Variants in RPH3AL observed in about 807,000 individuals in gnomAD.
RPH3AL encodes rabphilin 3A like (without C2 domains).
A neutral mutation model predicts 43.1 loss-of-function variants in RPH3AL; 38 were observed. The observed-to-expected ratio is 0.88, with a 90% CI of 0.68 to 1.15. RPH3AL has a LOEUF of 1.15. Among genes scored for constraint, RPH3AL ranks in the 50% most tolerant of loss-of-function variants. The probability of loss-of-function intolerance (pLI) is 0.00; values close to 1 mark genes in which losing one functional copy is unlikely to be tolerated. For missense variants in RPH3AL, 462 were observed against 423.2 expected (o/e 1.09, Z -0.81); for synonymous variants, 189 against 176.3 (o/e 1.07, Z -0.57).
At chr17:224,906 T>C (rs1052438085) in intron 7 of RPH3AL, among the ~76,000 whole-genome samples, 4 of 142,754 alleles carry the variant, frequency 2.8e-5, no homozygotes, top group South Asian at 4.4e-4. Context: ...TAGGTGGGAA[T>C]TGAACAATGA....
chr17:216,764 T>C (rs912768273), intron 8 of RPH3AL, among the ~76,000 whole-genome samples: 1 of 152,196 alleles, frequency 6.6e-6, no homozygotes, highest in Non-Finnish European at 1.5e-5. Flanking sequence ...CCTGCTGATA[T>C]TGGCCACTTA....
rs1340257341 is a variant in RPH3AL, at chr17:246,823, T to C, written c.613+288A>G. Reference sequence around the variant, plus strand: ...GACGTCCCATTTCTGTGAAGATGCGTAGTGCTGCTCATGGCATCCTTGCCC... The same window carrying C: ...GACGTCCCATTTCTGTGAAGATGCGCAGTGCTGCTCATGGCATCCTTGCCC... On this transcript the variant is annotated intron_variant, in intron 7 of 9. Transcript: ENST00000331302. The surrounding 1 kb of genome is among the most constrained non-coding windows in gnomAD (Gnocchi z 4.8). 1.3e-5 allele frequency among the ~76,000 whole-genome samples: 2 copies of C among 152,348 alleles called. No homozygotes were observed. Among genetic ancestry groups the C allele is most frequent in the African/African-American group, 4.8e-5 (2 of 41,590 alleles).
At chr17:232,362 C>T (rs918427808) in intron 7 of RPH3AL, among the ~76,000 whole-genome samples, 1 of 152,202 alleles carries the variant, frequency 6.6e-6, no homozygotes, top group African/African-American at 2.4e-5. Context: ...AATGAGCACC[C>T]GTGTCATCTA....
intron 4 of RPH3AL, among the ~76,000 whole-genome samples, chr17:320,866 G>C (rs1304267343): frequency 6.6e-6 from 1 of 152,264 alleles, no homozygotes; most frequent in African/African-American, 2.4e-5. Context: ...GAGGCACGTA[G>C]AGCCAGGCGG....
At chr17:257,288 A>G (rs2042074052) in intron 6 of RPH3AL, among the ~76,000 whole-genome samples, 1 of 21,156 alleles carries the variant, frequency 4.7e-5, no homozygotes, top group African/African-American at 1.2e-4. Flanking sequence ...TTCCATCCCT[A>G]GGAACGTGAC....
chr17:275,163 G>T (rs1273789245), intron 6 of RPH3AL, among the ~76,000 whole-genome samples: 1 of 150,470 alleles, frequency 6.6e-6, no homozygotes, highest in Non-Finnish European at 1.5e-5. Context: ...CCTAAAATCT[G>T]CAGAAACTCT....
intron 7 of RPH3AL, among the ~76,000 whole-genome samples, chr17:229,554 A>ACG (rs1204491289): frequency 6.6e-6 from 1 of 152,212 alleles, no homozygotes; most frequent in Non-Finnish European, 1.5e-5. Context: ...CTTCTGAGCC[A>ACG]CGACGGAGGG....
chr17:215,661 C>A lies in RPH3AL; in HGVS notation c.869G>T (p.Arg290Met), dbSNP rs1433202982. The A allele has an allele frequency of 1.6e-6, 2 of 1,279,020 alleles. No homozygotes were observed. Among genetic ancestry groups the A allele is most frequent in the Non-Finnish European group, 2.0e-6 (2 of 1,008,016 alleles). The allele number at this position is 1,279,020 out of a possible 1,614,324, so 79.2% of individuals were successfully genotyped here. A position where few individuals can be genotyped will look rare whatever the true frequency, so the allele number is the denominator to read the frequency against. ...CAGCAGTTGGGTACTCACCGGGGCC[C>A]TTCGGGTCAGCCCGGGGCGGGGTCC... is the stretch of plus-strand genomic sequence containing the variant. ...PGGPRPGLTR[R>M]APVKDTPGRA... Residue 290 changes from arginine to methionine, a missense_variant, in exon 9 of 10, where the codon AGG (arginine) becomes ATG (methionine). Arg to Met is a moderately conservative substitution (Grantham distance 91). Coordinates refer to ENST00000331302, the MANE Select transcript of RPH3AL (RefSeq NM_006987.4). The surrounding 1 kb of genome is among the most constrained non-coding windows in gnomAD (Gnocchi z 4.1).
chr17:221,813 G>C (rs1255330430), intron 7 of RPH3AL, among the ~76,000 whole-genome samples: 2 of 114,230 alleles, frequency 1.8e-5, no homozygotes, highest in Non-Finnish European at 1.9e-5. Flanking sequence ...CAACAGCTCT[G>C]AGGGCTCCAC....
At chr17:336,963 G>A (rs1034238962) in intron 1 of RPH3AL, among the ~76,000 whole-genome samples, 13 of 152,102 alleles carry the variant, frequency 8.5e-5, no homozygotes, top group African/African-American at 2.2e-4. Flanking sequence ...TGAGCCCACC[G>A]CCCTCCCGTC....
At chr17:351,790 A>G (rs1175276123) in intron 1 of RPH3AL, among the ~76,000 whole-genome samples, 2 of 152,234 alleles carry the variant, frequency 1.3e-5, no homozygotes, top group Non-Finnish European at 2.9e-5. Context: ...TATGCCACAA[A>G]TAGAAGGCAG....
At chr17:301,081 G>C (rs566114883) in intron 5 of RPH3AL, among the ~76,000 whole-genome samples, 2 of 152,384 alleles carry the variant, frequency 1.3e-5, no homozygotes, top group East Asian at 3.9e-4. Context: ...CACTCTGTAG[G>C]GGCGCTGCCT....
At chr17:224,560 C>T (rs1384897175) in intron 7 of RPH3AL, among the ~76,000 whole-genome samples, 1 of 152,220 alleles carries the variant, frequency 6.6e-6, no homozygotes, top group Non-Finnish European at 1.5e-5. Flanking sequence ...ATGTCTGCTT[C>T]CCCTAGCAGG....
chr17:259,506 C>T (rs1354032382), intron 6 of RPH3AL, among the ~76,000 whole-genome samples: 1 of 152,174 alleles, frequency 6.6e-6, no homozygotes, highest in Non-Finnish European at 1.5e-5. Flanking sequence ...TCTACCCCTC[C>T]CCGCCCAGGA....
At chr17:276,101 C>T (rs7207517) in intron 6 of RPH3AL, among the ~76,000 whole-genome samples, 18,452 of 151,966 alleles carry the variant, frequency 0.12, 1,189 homozygotes, top group Middle Eastern at 0.18. Flanking sequence ...AAATCGGGGA[C>T]GAGACAGTTG....
intron 7 of RPH3AL, among the ~76,000 whole-genome samples, chr17:228,839 C>T (rs1445448950): frequency 1.3e-5 from 2 of 152,192 alleles, no homozygotes; most frequent in Admixed American, 1.3e-4. Flanking sequence ...TGTGCCCTCT[C>T]TGGACCCTTT....
rs182487090 is a variant in RPH3AL at position 328,614 on chromosome 17, C to T, written c.-36-1035G>A. ...AAAACCTGTACACAAACGTTCTTAGCAGCACTATTCATGACCGCCAAAAGC... is the reference window on the plus strand; with the variant it reads ...AAAACCTGTACACAAACGTTCTTAGTAGCACTATTCATGACCGCCAAAAGC... On this transcript the variant is annotated intron_variant, in intron 2 of 9. Transcript: ENST00000331302. This position sits in a 1 kb window ranked among gnomAD's most constrained non-coding sequence, Gnocchi z 4.2. Among the ~76,000 whole-genome samples, 2 of 152,294 alleles carry T rather than the reference C, an allele frequency of 1.3e-5. No individual in the cohort carries two copies. The highest frequency in any genetic ancestry group is 1.9e-4 in the East Asian group (1 of 5,194).
At chr17:270,298 A>T (rs2042431126) in intron 6 of RPH3AL, among the ~76,000 whole-genome samples, 1 of 152,238 alleles carries the variant, frequency 6.6e-6, no homozygotes, top group African/African-American at 2.4e-5. Flanking sequence ...GGAGAGAAAC[A>T]GCATGGAGAA....
At chr17:330,777 G>A (rs1007509184) in intron 2 of RPH3AL, 2 of 152,038 alleles carry the variant, frequency 1.3e-5, no homozygotes, top group African/African-American at 2.4e-5. Flanking sequence ...TCGGGAGGCC[G>A]AGGCAGGATA....
Sources: allele counts gnomAD v4.1 joint callset (sites outside exome capture counted in the v4.1 genomes callset), GRCh38; gene constraint gnomAD v4.1.1; non-coding constraint Gnocchi (gnomAD v3.1); transcripts MANE v1.5; gene names NCBI Gene and HGNC (gene_info 2026-07-23, HGNC 2026-07-21).